CNKSR3: variants seen among roughly 807,000 people sequenced by gnomAD.
CNKSR3 encodes CNKSR family member 3.
A neutral mutation model predicts 67.7 loss-of-function variants in CNKSR3; 36 were observed. That is an observed-to-expected ratio of 0.53 (90% CI 0.41 to 0.70). The LOEUF is 0.70. Among genes scored for constraint, CNKSR3 ranks in the 30% least tolerant of loss-of-function variants. CNKSR3 has a pLI of 0.00. For missense variants in CNKSR3, 630 were observed against 695.2 expected (o/e 0.91, Z 1.05); for synonymous variants, 281 against 271.4 (o/e 1.04, Z -0.35).
intron 4 of CNKSR3, among the ~76,000 whole-genome samples, chr6:154,438,048 G>A (rs550929530): frequency 1.6e-4 from 25 of 152,126 alleles, no homozygotes; most frequent in Admixed American, 8.5e-4. Context: ...CACCCGCCTC[G>A]GCCTCCCAAA....
intron 1 of CNKSR3, among the ~76,000 whole-genome samples, chr6:154,493,347 C>T (rs1200271543): frequency 6.6e-6 from 1 of 152,196 alleles, no homozygotes; most frequent in African/African-American, 2.4e-5. Context: ...ATGAATTTTA[C>T]AATCATCTTT....
intron 4 of CNKSR3, 24 bp from the exon 5 acceptor site, chr6:154,433,531 GA>G (rs766864984): frequency 1.3e-6 from 2 of 1,558,048 alleles, no homozygotes; most frequent in Non-Finnish European, 1.8e-6. Flanking sequence ...TGGAGAAAAT[GA>G]ATACTAAGTA....
chr6:154,441,394 C>A lies in CNKSR3; in HGVS notation c.420-15G>T. 6.2e-7 allele frequency: 1 copy of A among 1,601,780 alleles called. No homozygotes were observed. Among genetic ancestry groups the A allele is most frequent in the Non-Finnish European group, 8.6e-7 (1 of 1,169,226 alleles). On this transcript the variant is annotated splice_polypyrimidine_tract_variant and intron_variant, in intron 3 of 12. Transcript: ENST00000607772. ...TAAACGGAGCCCTAGAAGGTAGCAA[C>A]AATCCTCTTAAAAAGGGGTAGGGAG...
At chr6:154,444,979 CA>C in intron 2 of CNKSR3, among the ~76,000 whole-genome samples, 1 of 151,854 alleles carries the variant, frequency 6.6e-6, no homozygotes, top group East Asian at 1.9e-4. Context: ...AATCAAGATA[CA>C]TAAAGCATAA....
chr6:154,454,913 T>C (rs995863979), intron 1 of CNKSR3, among the ~76,000 whole-genome samples: 1 of 152,164 alleles, frequency 6.6e-6, no homozygotes, highest in South Asian at 2.1e-4. Flanking sequence ...GGCTATGTTA[T>C]TACCTTTCCC....
At chr6:154,507,694 C>T (rs1445652181) in intron 1 of CNKSR3, among the ~76,000 whole-genome samples, 1 of 152,116 alleles carries the variant, frequency 6.6e-6, no homozygotes, top group Non-Finnish European at 1.5e-5. Flanking sequence ...TCCAAAAGGG[C>T]ACAGGCATTT....
intron 1 of CNKSR3, chr6:154,478,345 A>G (rs1290228858): frequency 2.0e-5 from 3 of 152,336 alleles, no homozygotes; most frequent in African/African-American, 7.3e-5. Flanking sequence ...GGTCTGGCCA[A>G]CTCCTCCTGA....
At chr6:154,457,117 C>G (rs1164861319) in intron 1 of CNKSR3, among the ~76,000 whole-genome samples, 1 of 152,154 alleles carries the variant, frequency 6.6e-6, no homozygotes, top group Non-Finnish European at 1.5e-5. Flanking sequence ...CCAAACATGA[C>G]ATGTTGCTAA....
chr6:154,505,505 T>G (rs1007524047), intron 1 of CNKSR3, among the ~76,000 whole-genome samples: 4 of 146,680 alleles, frequency 2.7e-5, no homozygotes, highest in African/African-American at 1.0e-4. Context: ...TATTTTTTTT[T>G]TTTTTTTTTT....
chr6:154,448,371 A>C (rs1178836095), intron 2 of CNKSR3, among the ~76,000 whole-genome samples: 1 of 151,054 alleles, frequency 6.6e-6, no homozygotes, highest in Non-Finnish European at 1.5e-5. Flanking sequence ...AACATCAAGC[A>C]GAAAAGACGG....
At chr6:154,466,721 A>G (rs971103150) in intron 1 of CNKSR3, among the ~76,000 whole-genome samples, 3 of 151,832 alleles carry the variant, frequency 2.0e-5, no homozygotes, top group Non-Finnish European at 4.4e-5. Flanking sequence ...CCAGGCTCAA[A>G]TGATCCTCCT....
At chr6:154,420,621 G>A (rs1785122729) in intron 9 of CNKSR3, among the ~76,000 whole-genome samples, 1 of 147,386 alleles carries the variant, frequency 6.8e-6, no homozygotes, top group Non-Finnish European at 1.5e-5. Context: ...CCCGGGAGGC[G>A]GAGCTTGCAG....
intron 1 of CNKSR3, among the ~76,000 whole-genome samples, chr6:154,483,435 A>G (rs1786606348): frequency 6.6e-6 from 1 of 152,114 alleles, no homozygotes; most frequent in Non-Finnish European, 1.5e-5. Context: ...ACTGCCCAGC[A>G]CTACCAATGG....
At chr6:154,451,172 A>C (rs1253887303) in intron 1 of CNKSR3, among the ~76,000 whole-genome samples, 1 of 152,204 alleles carries the variant, frequency 6.6e-6, no homozygotes, top group Non-Finnish European at 1.5e-5. Context: ...CACTATGGCC[A>C]AAAGTGCCGT....
rs1784644276 is a variant in CNKSR3, at chr6:154,395,003, C to G, written c.*11351G>C. 6.6e-6 allele frequency: 1 copy of G among 152,180 alleles called. No individual in the cohort carries two copies. Among genetic ancestry groups the G allele is most frequent in the Admixed American group, 6.5e-5 (1 of 15,268 alleles). 9.4% of individuals were successfully genotyped at this position (152,180 alleles called of 1,614,324 possible). ...GAGAGGTGACTGGTTTGGGCTGCAT[C>G]AGGAAAATGCGAAGGCTAAAGACCA... On this transcript the variant is annotated 3_prime_UTR_variant, in exon 13 of 13. Transcript: ENST00000607772.
intron 6 of CNKSR3, 60 bp from the exon 7 acceptor site, chr6:154,428,247 G>T: frequency 9.5e-7 from 1 of 1,048,968 alleles, no homozygotes; most frequent in Non-Finnish European, 1.5e-6. Context: ...ATAGCCCCGA[G>T]TGAGACTTAA....
At chr6:154,466,348 G>A (rs1025440777) in intron 1 of CNKSR3, among the ~76,000 whole-genome samples, 2 of 152,120 alleles carry the variant, frequency 1.3e-5, no homozygotes, top group Non-Finnish European at 2.9e-5. Context: ...GCTCATGTAC[G>A]GACTTGTGTT....
intron 10 of CNKSR3, among the ~76,000 whole-genome samples, chr6:154,413,349 C>A (rs1171789629): frequency 6.6e-6 from 1 of 152,120 alleles, no homozygotes; most frequent in Non-Finnish European, 1.5e-5. Flanking sequence ...ACCACCTCAG[C>A]CTCCTGAGTA....
chr6:154,477,687 T>C (rs1192732242), intron 1 of CNKSR3, among the ~76,000 whole-genome samples: 1 of 152,134 alleles, frequency 6.6e-6, no homozygotes, highest in African/African-American at 2.4e-5. Context: ...TAGCTATTGG[T>C]AATTAACTAG....
Sources: allele counts gnomAD v4.1 joint callset (sites outside exome capture counted in the v4.1 genomes callset), GRCh38; gene constraint gnomAD v4.1.1; transcripts MANE v1.5; gene names NCBI Gene and HGNC (gene_info 2026-07-23, HGNC 2026-07-21).